SSU72: variants seen among roughly 807,000 people sequenced by gnomAD.
The protein encoded by SSU72 is SSU72 homolog, RNA polymerase II CTD phosphatase, also known as RNA polymerase II subunit A C-terminal domain phosphatase SSU72.
A neutral mutation model predicts 22.7 loss-of-function variants in SSU72; 12 were observed. The ratio of observed to expected loss-of-function variants is 0.53; its 90% CI spans 0.34 to 0.86. SSU72 has a LOEUF of 0.86. SSU72 is among the 40% of genes least tolerant of loss of function. The pLI is 0.02. For synonymous variants in SSU72, 116 were observed against 98.3 expected (o/e 1.18, Z -1.06); for missense variants, 151 against 249.8 (o/e 0.60, Z 2.67).
At chr1:1,573,076 G>A (rs1642752981) in intron 1 of SSU72, among the ~76,000 whole-genome samples, 2 of 149,124 alleles carry the variant, frequency 1.3e-5, no homozygotes, top group African/African-American at 2.5e-5. Flanking sequence ...ATCACCTGAG[G>A]TCAGGAGTTT....
rs184401072 is a variant in SSU72, at chr1:1,544,684, A to G, written c.364+179T>C. The G allele has an allele frequency of 2.3e-4, 170 of 745,644 alleles. 1 individual carries two copies. The highest frequency in any genetic ancestry group is 1.1e-3 in the Middle Eastern group (4 of 3,704). 46.2% of individuals were successfully genotyped at this position (745,644 alleles called of 1,614,324 possible). ...TGAAGCCCATGAGGCTGCAGCCAGC[A>G]CATGGGTGGTTCAGCGACCAGCGGC... On this transcript the variant is annotated intron_variant, in intron 3 of 4. Transcript: ENST00000291386.
intron 1 of SSU72, among the ~76,000 whole-genome samples, chr1:1,568,087 G>A (rs1327521126): frequency 2.0e-5 from 3 of 152,048 alleles, no homozygotes; most frequent in Non-Finnish European, 2.9e-5. Flanking sequence ...AAAGGTTCAC[G>A]AATGGCAAAA....
chr1:1,543,839 G>T, intron 4 of SSU72, 30 bp downstream of exon 4: 1 of 1,564,878 alleles, frequency 6.4e-7, no homozygotes, highest in Non-Finnish European at 8.8e-7. Context: ...CACAACCTCT[G>T]CCCAGCGCGG....
chr1:1,567,296 T>C (rs1003478978), intron 1 of SSU72, among the ~76,000 whole-genome samples: 1 of 152,194 alleles, frequency 6.6e-6, no homozygotes, highest in Non-Finnish European at 1.5e-5. Context: ...CTGAGGCTGA[T>C]GACAGCTGCG....
At chr1:1,558,188 G>A (rs1039542223) in intron 2 of SSU72, among the ~76,000 whole-genome samples, 25 of 140,618 alleles carry the variant, frequency 1.8e-4, no homozygotes, top group African/African-American at 6.8e-4. Context: ...GCAACAGAGT[G>A]AGACTCTGTC....
intron 2 of SSU72, among the ~76,000 whole-genome samples, chr1:1,558,359 C>A (rs1352606035): frequency 6.6e-6 from 1 of 152,192 alleles, no homozygotes; most frequent in South Asian, 2.1e-4. Context: ...CAGAGAGACG[C>A]CCTGTCTCAA....
At chr1:1,564,670 T>C in intron 2 of SSU72, 103 bp downstream of exon 2, 1 of 1,614,054 alleles carries the variant, frequency 6.2e-7, no homozygotes, top group Non-Finnish European at 8.5e-7. Flanking sequence ...GGAGCCAGTG[T>C]GTGCACTGCA....
At chr1:1,565,822 T>C (rs534010567) in intron 1 of SSU72, among the ~76,000 whole-genome samples, 1 of 152,338 alleles carries the variant, frequency 6.6e-6, no homozygotes, top group African/African-American at 2.4e-5. Context: ...ACGTGTGTCA[T>C]GTGCCACCAA....
chr1:1,548,396 A>G (rs1409498819), intron 2 of SSU72, among the ~76,000 whole-genome samples: 1 of 152,190 alleles, frequency 6.6e-6, no homozygotes, highest in African/African-American at 2.4e-5. Context: ...TCTATACCAA[A>G]TTACAAAAAT....
intron 2 of SSU72, among the ~76,000 whole-genome samples, chr1:1,546,991 C>T (rs966549900): frequency 2.6e-5 from 4 of 151,768 alleles, no homozygotes; most frequent in Non-Finnish European, 5.9e-5. Flanking sequence ...GATCGTGACA[C>T]TGCACTCCAG....
chr1:1,551,630 G>A (rs890141400), intron 2 of SSU72, among the ~76,000 whole-genome samples: 5 of 152,178 alleles, frequency 3.3e-5, no homozygotes, highest in East Asian at 1.9e-4. Flanking sequence ...GCTGCTTCCC[G>A]AGCTCCCATC....
At chr1:1,548,124 T>A (rs573238324) in intron 2 of SSU72, among the ~76,000 whole-genome samples, 1 of 152,144 alleles carries the variant, frequency 6.6e-6, no homozygotes, top group Admixed American at 6.5e-5. Context: ...ACTGCCCCCA[T>A]TGGACTCCCA....
chr1:1,543,610 G>A (rs1412442694), intron 4 of SSU72, among the ~76,000 whole-genome samples: 4 of 152,008 alleles, frequency 2.6e-5, no homozygotes, highest in Non-Finnish European at 4.4e-5. Context: ...CCTCTGTCAC[G>A]GCCTCGGCCA....
chr1:1,574,163 G>A (rs889345429), intron 1 of SSU72, among the ~76,000 whole-genome samples: 63 of 152,228 alleles, frequency 4.1e-4, no homozygotes, highest in Non-Finnish European at 8.2e-4. Flanking sequence ...CGACGCACAC[G>A]AAATACCATG....
intron 1 of SSU72, among the ~76,000 whole-genome samples, chr1:1,568,174 CGTTTCTTACAT>C (rs1451282764): frequency 1.3e-5 from 2 of 152,358 alleles, no homozygotes; most frequent in East Asian, 3.9e-4. Flanking sequence ...GACTCAACAG[CGTTTCTTACAT>C]AAAAGCAAGG....
At chr1:1,545,143 A>G in intron 2 of SSU72, 141 bp from the exon 3 acceptor site, 1 of 987,894 alleles carries the variant, frequency 1.0e-6, no homozygotes, top group Non-Finnish European at 1.5e-6. Flanking sequence ...GGAGTGGGCC[A>G]TGCCCTGGTG....
intron 2 of SSU72, among the ~76,000 whole-genome samples, chr1:1,549,244 G>A (rs1483825932): frequency 8.5e-5 from 13 of 152,116 alleles, no homozygotes; most frequent in African/African-American, 3.1e-4. Context: ...GCCTGGGGCC[G>A]GGCACGGTGG....
At chr1:1,568,536 G>A (rs1390762979) in intron 1 of SSU72, among the ~76,000 whole-genome samples, 1 of 150,798 alleles carries the variant, frequency 6.6e-6, no homozygotes, top group African/African-American at 2.4e-5. Flanking sequence ...CCCGGGAGGT[G>A]GAGGTCGCAG....
chr1:1,567,211 C>T (rs1642672800), intron 1 of SSU72, among the ~76,000 whole-genome samples: 2 of 152,334 alleles, frequency 1.3e-5, no homozygotes, highest in South Asian at 4.1e-4. Context: ...GGGCACCCTG[C>T]TGCGCCACCA....
Sources: allele counts gnomAD v4.1 joint callset (sites outside exome capture counted in the v4.1 genomes callset), GRCh38; gene constraint gnomAD v4.1.1; transcripts MANE v1.5; gene names NCBI Gene and HGNC (gene_info 2026-07-23, HGNC 2026-07-21).